Variants in FUT8 observed in about 807,000 individuals in gnomAD.
FUT8 encodes alpha-(1,6)-fucosyltransferase.
A neutral mutation model predicts 71.3 loss-of-function variants in FUT8; 29 were observed. That is an observed-to-expected ratio of 0.41 (90% CI 0.30 to 0.55). FUT8 has a LOEUF of 0.55. FUT8 is among the 20% of genes least tolerant of loss of function. The pLI is 0.34. For synonymous variants in FUT8, 254 were observed against 239.3 expected (o/e 1.06, Z -0.57); for missense variants, 544 against 702.1 (o/e 0.77, Z 2.55).
intron 8 of FUT8, among the ~76,000 whole-genome samples, chr14:65,723,481 T>C (rs1393397962): frequency 6.6e-6 from 1 of 152,198 alleles, no homozygotes; most frequent in African/African-American, 2.4e-5. Context: ...AATTAATATC[T>C]GCTGTCATTT....
At chr14:65,556,164 G>C (rs914306618) in intron 2 of FUT8, among the ~76,000 whole-genome samples, 3 of 152,166 alleles carry the variant, frequency 2.0e-5, no homozygotes, top group African/African-American at 7.2e-5. Flanking sequence ...TTTAGACTAA[G>C]TGGTTTAAAG....
chr14:65,571,704 T>C (rs1351417874), intron 3 of FUT8, among the ~76,000 whole-genome samples: 1 of 152,182 alleles, frequency 6.6e-6, no homozygotes, highest in Non-Finnish European at 1.5e-5. Flanking sequence ...TCATCATTTG[T>C]TATATTGTCT....
intron 6 of FUT8, among the ~76,000 whole-genome samples, chr14:65,631,591 AACTTT>A (rs1392090840): frequency 3.9e-5 from 6 of 152,034 alleles, no homozygotes; most frequent in African/African-American, 1.4e-4. Flanking sequence ...ATTGCTATTT[AACTTT>A]ACTTTCATGC....
At chr14:65,400,462 T>A in the FUT8 span, among the ~76,000 whole-genome samples, 1 of 152,238 alleles carries the variant, frequency 6.6e-6, no homozygotes, top group Non-Finnish European at 1.5e-5. Context: ...TCCCTGTTAA[T>A]TCCCTGTTAG....
At chr14:65,615,917 G>A in intron 3 of FUT8, 61 bp from the exon 4 acceptor site, 1 of 1,147,646 alleles carries the variant, frequency 8.7e-7, no homozygotes, top group Non-Finnish European at 1.3e-6. Flanking sequence ...TAGAAAGTGA[G>A]CTTGTATTTT....
chr14:65,439,954 G>GTGTGTGTATATATATATATATATATA, intron 1 of FUT8, among the ~76,000 whole-genome samples: 1 of 74,978 alleles, frequency 1.3e-5, no homozygotes, highest in Non-Finnish European at 2.5e-5. Flanking sequence ...GTGTGTGTGT[G>GTGTGTGTATATATATATATATATATA]TATATATATA....
At chr14:65,560,564 C>G (rs1036132943) in intron 2 of FUT8, among the ~76,000 whole-genome samples, 2 of 152,118 alleles carry the variant, frequency 1.3e-5, no homozygotes, top group African/African-American at 4.8e-5. Flanking sequence ...AATTCTAAGC[C>G]TAATGATGGA....
chr14:65,477,535 T>C (rs1241130423), intron 2 of FUT8, among the ~76,000 whole-genome samples: 1 of 152,212 alleles, frequency 6.6e-6, no homozygotes, highest in Admixed American at 6.5e-5. Flanking sequence ...TATTTCTATA[T>C]AGAGGAGATT....
chr14:65,551,990 C>G (rs1885315025), intron 2 of FUT8, among the ~76,000 whole-genome samples: 1 of 152,124 alleles, frequency 6.6e-6, no homozygotes, highest in South Asian at 2.1e-4. Flanking sequence ...TAATTTTAAA[C>G]ATTGTGTAAT....
intron 5 of FUT8, among the ~76,000 whole-genome samples, chr14:65,624,180 G>A (rs564404912): frequency 6.6e-6 from 1 of 152,128 alleles, no homozygotes; most frequent in East Asian, 1.9e-4. Context: ...CAGAGAGGCC[G>A]AGAAACAAAA....
chr14:65,516,025 G>C (rs1170369895), intron 2 of FUT8, among the ~76,000 whole-genome samples: 1 of 152,090 alleles, frequency 6.6e-6, no homozygotes, highest in Non-Finnish European at 1.5e-5. Flanking sequence ...TTAGCTGGTT[G>C]TGGTAATGTG....
chr14:65,532,789 T>C (rs1884045098), intron 2 of FUT8, among the ~76,000 whole-genome samples: 3 of 152,220 alleles, frequency 2.0e-5, no homozygotes, highest in Non-Finnish European at 2.9e-5. Context: ...AAGTCTTTAA[T>C]CCGTCTTGAG....
At chr14:65,685,981 A>G (rs1893269458) in intron 7 of FUT8, among the ~76,000 whole-genome samples, 1 of 152,148 alleles carries the variant, frequency 6.6e-6, no homozygotes, top group Non-Finnish European at 1.5e-5. Flanking sequence ...GTGATTTAGA[A>G]TACCTGACCT....
intron 6 of FUT8, 24 bp downstream of exon 6, chr14:65,629,630 A>G: frequency 6.7e-7 from 1 of 1,490,160 alleles, no homozygotes; most frequent in Non-Finnish European, 9.4e-7. Flanking sequence ...GTTAAGAATA[A>G]ATTTGAGTGA....
intron 3 of FUT8, among the ~76,000 whole-genome samples, chr14:65,562,868 G>A (rs1885987034): frequency 6.6e-6 from 1 of 152,064 alleles, no homozygotes; most frequent in Non-Finnish European, 1.5e-5. Flanking sequence ...AATGTAGTTG[G>A]CAGTGTTAAA....
chr14:65,491,382 A>C (rs780946524), intron 2 of FUT8, among the ~76,000 whole-genome samples: 1 of 152,116 alleles, frequency 6.6e-6, no homozygotes, highest in Non-Finnish European at 1.5e-5. Flanking sequence ...TTGCTTTTTA[A>C]ATCTTGAATG....
the FUT8 span, among the ~76,000 whole-genome samples, chr14:65,403,376 A>G: frequency 1.4e-4 from 22 of 152,350 alleles, no homozygotes; most frequent in South Asian, 6.2e-4. Context: ...ATTCTGAACC[A>G]TGATTTTATA....
intron 2 of FUT8, among the ~76,000 whole-genome samples, chr14:65,501,761 C>T (rs1032341893): frequency 1.1e-4 from 16 of 152,134 alleles, no homozygotes; most frequent in African/African-American, 3.9e-4. Context: ...GTCTCTTGGT[C>T]TCTTTTCCTA....
chr14:65,618,319 C>T (rs1889415543), intron 5 of FUT8, among the ~76,000 whole-genome samples: 1 of 151,610 alleles, frequency 6.6e-6, no homozygotes, highest in Non-Finnish European at 1.5e-5. Flanking sequence ...GAAATGGGCC[C>T]CTGAGAAACT....
Sources: allele counts gnomAD v4.1 joint callset (sites outside exome capture counted in the v4.1 genomes callset), GRCh38; gene constraint gnomAD v4.1.1; transcripts MANE v1.5; gene names NCBI Gene and HGNC (gene_info 2026-07-23, HGNC 2026-07-21).